The following SBNO1 variants were observed in gnomAD, a reference collection of about 807,000 sequenced individuals.
The protein encoded by SBNO1 is protein strawberry notch homolog 1.
SBNO1 carries 23 observed loss-of-function variants against 173.6 expected under a neutral mutation model. The ratio of observed to expected loss-of-function variants is 0.13; its 90% CI spans 0.10 to 0.19. SBNO1 has a LOEUF of 0.19. Ranked by LOEUF, SBNO1 falls within the 10% of genes least tolerant of loss-of-function variation. The probability of loss-of-function intolerance (pLI) is 1.00; values close to 1 mark genes in which losing one functional copy is unlikely to be tolerated. For synonymous variants in SBNO1, 632 were observed against 571.5 expected (o/e 1.11, Z -1.51); for missense variants, 1,238 against 1,671.2 (o/e 0.74, Z 4.52).
At position 123,302,826 on chromosome 12, in the gene SBNO1, A is replaced by G; in HGVS notation, c.3843T>C (p.Tyr1281=). The change falls in exon 30 of 32, where the codon TAT becomes TAC. Residue 1281 remains tyrosine (Y), a splice_region_variant and synonymous_variant. Coordinates refer to ENST00000602398, the MANE Select transcript of SBNO1 (RefSeq NM_001167856.3). ...GTAGGAAACACGAAAATACTAACCA[A>G]TAAGCATGAGTACAAGTATCTGCAG... ...NSSADTCTHA[Y]WRGNCKKASL... 6.2e-7 allele frequency: 1 copy of G among 1,612,046 alleles called. No individual in the cohort carries two copies.
At chr12:123,346,235 C>T (rs1873118671) in intron 3 of SBNO1, among the ~76,000 whole-genome samples, 1 of 152,076 alleles carries the variant, frequency 6.6e-6, no homozygotes, top group Non-Finnish European at 1.5e-5. Context: ...TAGCAAGACC[C>T]CTCCCACCCC....
rs541770993 is a variant in SBNO1, at chr12:123,315,333, C to T, written c.3120+40G>A. The T allele has an allele frequency of 2.7e-6, 4 of 1,472,374 alleles. No individual in the cohort carries two copies. In the South Asian group the frequency reaches 3.4e-5, roughly 13 times the overall value. 91.2% of individuals were successfully genotyped at this position (1,472,374 alleles called of 1,614,324 possible). A position where few individuals can be genotyped will look rare whatever the true frequency, so the allele number is the denominator to read the frequency against. ...TTGTGTTCCCGAAAGACACCATACA[C>T]TATCACAAGTTTTCAGAGATACTGA... On this transcript the variant is annotated intron_variant, in intron 23 of 31. Transcript: ENST00000602398.
chr12:123,350,588 T>C, intron 1 of SBNO1, 147 bp from the exon 2 acceptor site: 1 of 687,532 alleles, frequency 1.5e-6, no homozygotes, highest in South Asian at 1.9e-5. Context: ...ACAAAGAGGA[T>C]AAAAGAGAAA....
At chr12:123,305,094 T>C (rs1271228402) in intron 28 of SBNO1, among the ~76,000 whole-genome samples, 1 of 152,204 alleles carries the variant, frequency 6.6e-6, no homozygotes, top group African/African-American at 2.4e-5. Flanking sequence ...ATGTTAACAG[T>C]GGAATCCAGG....
intron 7 of SBNO1, among the ~76,000 whole-genome samples, chr12:123,332,779 C>A (rs1871366000): frequency 1.3e-5 from 2 of 152,240 alleles, no homozygotes; most frequent in South Asian, 4.1e-4. Flanking sequence ...GTTGGCCAGG[C>A]TGGTCTCTAA....
At chr12:123,361,976 T>G (rs1263529554) in intron 1 of SBNO1, among the ~76,000 whole-genome samples, 2 of 150,220 alleles carry the variant, frequency 1.3e-5, no homozygotes, top group Non-Finnish European at 3.0e-5. Context: ...CCGTGTCTAC[T>G]AAAAATACGA....
intron 30 of SBNO1, among the ~76,000 whole-genome samples, chr12:123,300,942 G>C (rs539948861): frequency 5.5e-5 from 8 of 146,080 alleles, no homozygotes; most frequent in Admixed American, 4.2e-4. Context: ...CTGGGTGACA[G>C]AGCAAGGACA....
chr12:123,291,938 A>C lies in SBNO1; in HGVS notation c.*3970T>G, dbSNP rs747992798. 10 of 151,544 alleles carry C rather than the reference A, an allele frequency of 6.6e-5. No homozygotes were observed. Among genetic ancestry groups the C allele is most frequent in the Admixed American group, 2.0e-4 (3 of 15,210 alleles). The allele number at this position is 151,544 out of a possible 1,614,324, so 9.4% of individuals were successfully genotyped here. A position where few individuals can be genotyped will look rare whatever the true frequency, so the allele number is the denominator to read the frequency against. ...AGTACTCAAAAAAAAAATGCTAGCG[A>C]GCTTGAGTTGCAGGTATTTAGGTGT... On this transcript the variant is annotated 3_prime_UTR_variant, in exon 32 of 32. Transcript: ENST00000602398.
chr12:123,323,555 C>T (rs1420311275), intron 16 of SBNO1, 125 bp downstream of exon 16: 27 of 516,424 alleles, frequency 5.2e-5, no homozygotes, highest in East Asian at 5.0e-4. Flanking sequence ...GGGGTTTCAC[C>T]GTGTTAGCCA....
intron 1 of SBNO1, among the ~76,000 whole-genome samples, chr12:123,358,231 T>A (rs759281287): frequency 4.6e-5 from 7 of 152,334 alleles, no homozygotes; most frequent in Admixed American, 1.3e-4. Context: ...TTTGACTGCA[T>A]TTTGGACTGT....
At chr12:123,324,748 T>A (rs1870413384) in intron 15 of SBNO1, among the ~76,000 whole-genome samples, 1 of 152,226 alleles carries the variant, frequency 6.6e-6, no homozygotes, top group South Asian at 2.1e-4. Context: ...TAAAACATTT[T>A]AAAATCTATT....
intron 1 of SBNO1, among the ~76,000 whole-genome samples, chr12:123,362,148 A>C (rs1218872710): frequency 1.3e-5 from 2 of 148,548 alleles, no homozygotes; most frequent in Admixed American, 1.4e-4. Flanking sequence ...TCAAAAAAAA[A>C]AGATTCTGTT....
rs1479449208 is a variant in SBNO1, at chr12:123,294,645, AAAAAAAAAAAAAAAAAG to A, written c.*1246_*1262del. 7 of 160,776 alleles carry A rather than the reference AAAAAAAAAAAAAAAAAG, an allele frequency of 4.4e-5. No individual in the cohort carries two copies. The highest frequency in any genetic ancestry group is 7.6e-5 in the Non-Finnish European group (6 of 78,914). 10.0% of individuals were successfully genotyped at this position (160,776 alleles called of 1,614,324 possible). ...GCAACCTGTGGAAGCAAAAAAAAAAAAAAAAAAAAAAAAAAAGAAAAAAAGAAAAGAAAGAAAAAGAA... is the reference window on the plus strand; with the variant it reads ...GCAACCTGTGGAAGCAAAAAAAAAAAAAAAAAAGAAAAGAAAGAAAAAGAA... On this transcript the variant is annotated 3_prime_UTR_variant, in exon 32 of 32. Transcript: ENST00000602398.
chr12:123,340,605 A>AAAAAAT (rs35371918), intron 5 of SBNO1, among the ~76,000 whole-genome samples: 3 of 130,306 alleles, frequency 2.3e-5, no homozygotes, highest in African/African-American at 4.2e-5. Context: ...AAAAAAAAAA[A>AAAAAAT]GAATCACTCA....
At chr12:123,309,222 G>A (rs2048996375) in intron 28 of SBNO1, 88 bp downstream of exon 28, 1 of 936,704 alleles carries the variant, frequency 1.1e-6, no homozygotes, top group Non-Finnish European at 1.7e-6. Flanking sequence ...ACACAACTGG[G>A]AAACAGGTAC....
chr12:123,340,921 A>T (rs1872487508), intron 5 of SBNO1, 67 bp downstream of exon 5: 2 of 986,548 alleles, frequency 2.0e-6, no homozygotes, highest in Admixed American at 2.3e-5. Context: ...TGTTCCATAT[A>T]GAACACTTTT....
chr12:123,344,907 C>T (rs1332084949), intron 4 of SBNO1, among the ~76,000 whole-genome samples: 1 of 152,062 alleles, frequency 6.6e-6, no homozygotes, highest in Non-Finnish European at 1.5e-5. Context: ...ATTCTGCTTT[C>T]AAACAAGATC....
chr12:123,303,035 G>T (rs2048834046), intron 29 of SBNO1, 135 bp from the exon 30 acceptor site: 1 of 642,552 alleles, frequency 1.6e-6, no homozygotes. Flanking sequence ...GCTATTAACT[G>T]AATCTGAACG....
intron 4 of SBNO1, 88 bp from the exon 5 acceptor site, chr12:123,341,176 G>T: frequency 1.3e-6 from 1 of 746,492 alleles, no homozygotes; most frequent in Non-Finnish European, 2.1e-6. Context: ...TAAGGCTGCT[G>T]CGGTGGCTCA....
Sources: allele counts gnomAD v4.1 joint callset (sites outside exome capture counted in the v4.1 genomes callset), GRCh38; gene constraint gnomAD v4.1.1; transcripts MANE v1.5; gene names NCBI Gene and HGNC (gene_info 2026-07-23, HGNC 2026-07-21).